PNRC1: variants seen among roughly 807,000 people sequenced by gnomAD.
The protein encoded by PNRC1 is proline-rich nuclear receptor coactivator 1.
A neutral mutation model predicts 20.2 loss-of-function variants in PNRC1; 6 were observed. The ratio of observed to expected loss-of-function variants is 0.30; its 90% CI spans 0.16 to 0.59. The LOEUF is 0.59. Ranked by LOEUF, PNRC1 falls within the 20% of genes least tolerant of loss-of-function variation. The probability of loss-of-function intolerance (pLI) is 0.89; values close to 1 mark genes in which losing one functional copy is unlikely to be tolerated. For synonymous variants in PNRC1, 202 were observed against 186.9 expected (o/e 1.08, Z -0.66); for missense variants, 488 against 430.2 (o/e 1.13, Z -1.19).
chr6:89,083,653 T>G lies in PNRC1; in HGVS notation c.541-100T>G. 1 of 860,616 alleles carries G rather than the reference T, an allele frequency of 1.2e-6. No homozygotes were observed. 53.3% of individuals were successfully genotyped at this position (860,616 alleles called of 1,614,324 possible). A position where few individuals can be genotyped will look rare whatever the true frequency, so the allele number is the denominator to read the frequency against. ...ATAATTTTGTTCTTTTCTATGGCTG[T>G]GGGCAAACTTAAACACAACAAAACT... is the stretch of plus-strand genomic sequence containing the variant. On this transcript the variant is annotated intron_variant, in intron 1 of 1. Coordinates refer to ENST00000336032, the MANE Select transcript of PNRC1 (RefSeq NM_006813.3).
chr6:89,082,005 C>T (rs1437359128), intron 1 of PNRC1: 1 of 152,432 alleles, frequency 6.6e-6, no homozygotes, highest in Non-Finnish European at 1.5e-5. Context: ...GGAGTTGTGC[C>T]AAAATGTGAG....
Position 89,081,173 on chromosome 6 carries a change from G to A in PNRC1, c.279G>A (p.Ala93=), listed in dbSNP as rs575291563. ...TGGCGGGAGGCACTCCTCGGGCAGC[G>A]CCGAAGAAGCGGCGAAAGAAGAAGG... The part of the protein sequence containing the change: ...LAVAGGTPRA[A]PKKRRKKKVR... The change falls in exon 1 of 2, where the codon GCG becomes GCA. Residue 93 remains alanine, a synonymous_variant. Coordinates refer to ENST00000336032, the MANE Select transcript of PNRC1 (RefSeq NM_006813.3). The A allele has an allele frequency of 2.5e-6, 4 of 1,590,860 alleles. No homozygotes were observed. In the African/African-American group the frequency reaches 4.0e-5, roughly 16 times the overall value.
Position 89,083,798 on chromosome 6 carries a change from C to T in PNRC1, c.586C>T (p.His196Tyr), listed in dbSNP as rs762571176. ...MGKSEKIALPHGQLVHGIHLY... is the reference protein window; with the variant it reads ...MGKSEKIALPYGQLVHGIHLY... Reference sequence around the variant, plus strand: ...AAAATCGGAGAAAATTGCCCTTCCCCATGGCCAGCTTGTTCATGGTATACA... The same window carrying T: ...AAAATCGGAGAAAATTGCCCTTCCCTATGGCCAGCTTGTTCATGGTATACA... The change falls in exon 2 of 2, where the codon CAT (histidine) becomes TAT (tyrosine). Residue 196 changes from histidine (H) to tyrosine (Y), a missense_variant. His to Tyr is a moderately conservative substitution (Grantham distance 83). Transcript: ENST00000336032. The T allele has an allele frequency of 3.1e-6, 5 of 1,599,212 alleles. No homozygotes were observed.
chr6:89,082,116 C>CT (rs1390199536), intron 1 of PNRC1: 5 of 152,292 alleles, frequency 3.3e-5, no homozygotes, highest in Non-Finnish European at 7.3e-5. Context: ...CCGCACAAAA[C>CT]TGATTTTATT....
In PNRC1 at chr6:89,084,328, TACAA is replaced by T. The variant is rs1219007485; in HGVS notation, c.*136_*139del. On this transcript the variant is annotated 3_prime_UTR_variant, in exon 2 of 2. Transcript: ENST00000336032. Reference sequence around the variant, plus strand: ...CAAAAGATGAGTTTAAAAAATTACATACAAACAGCTTGTATTATATTTTATATTT... The same window carrying T: ...CAAAAGATGAGTTTAAAAAATTACATACAGCTTGTATTATATTTTATATTT... 8.3e-6 allele frequency: 5 copies of T among 603,018 alleles called. No homozygotes were observed. Among genetic ancestry groups the T allele is most frequent in the East Asian group, 2.8e-5 (1 of 35,246 alleles). The allele number at this position is 603,018 out of a possible 1,614,324, so 37.4% of individuals were successfully genotyped here. A position where few individuals can be genotyped will look rare whatever the true frequency, so the allele number is the denominator to read the frequency against.
In PNRC1 at chr6:89,081,299, C is replaced by T. The variant is rs572807186; in HGVS notation, c.405C>T (p.Ser135=). ...EGGRSPATGP[S]GAQEVPGPAA... is the part of the protein sequence containing the mutation. ...GCCGGAGCCCCGCGACCGGCCCGAG[C>T]GGAGCGCAGGAGGTCCCGGGCCCGG... Residue 135 remains serine (S), a synonymous_variant, in exon 1 of 2, where the codon AGC becomes AGT. Transcript: ENST00000336032. The T allele has an allele frequency of 1.0e-5, 15 of 1,506,986 alleles. No individual in the cohort carries two copies. In the African/African-American group the frequency reaches 1.1e-4, roughly 11 times the overall value. The allele number at this position is 1,506,986 out of a possible 1,614,324, so 93.4% of individuals were successfully genotyped here.
In PNRC1 at chr6:89,081,347, TGCAGCC is replaced by T. The variant is rs1454119534; in HGVS notation, c.461_466del (p.Ala154_Ala155del). On this transcript the variant is annotated inframe_deletion, in exon 1 of 2. Coordinates refer to ENST00000336032, the MANE Select transcript of PNRC1 (RefSeq NM_006813.3). ...CGGCCGCCGCCTTGGCCCCGAGTCC[TGCAGCC>T]GCAGCCGGCACGGAGGGAGCCAGCC... The T allele has an allele frequency of 2.1e-6, 3 of 1,448,730 alleles. No individual in the cohort carries two copies. The highest frequency in any genetic ancestry group is 1.4e-5 in the South Asian group (1 of 72,868). The allele number at this position is 1,448,730 out of a possible 1,614,324, so 89.7% of individuals were successfully genotyped here. A position where few individuals can be genotyped will look rare whatever the true frequency, so the allele number is the denominator to read the frequency against.
At position 89,084,329 on chromosome 6, in the gene PNRC1, A is replaced by G; in HGVS notation, c.*133A>G. On this transcript the variant is annotated 3_prime_UTR_variant, in exon 2 of 2. Coordinates refer to ENST00000336032, the MANE Select transcript of PNRC1 (RefSeq NM_006813.3). ...AAAAGATGAGTTTAAAAAATTACAT[A>G]CAAACAGCTTGTATTATATTTTATA... 3.3e-6 allele frequency: 2 copies of G among 603,746 alleles called. No homozygotes were observed. The highest frequency in any genetic ancestry group is 2.8e-5 in the East Asian group (1 of 35,306). 37.4% of individuals were successfully genotyped at this position (603,746 alleles called of 1,614,324 possible).
chr6:89,085,121 T>G lies in PNRC1; in HGVS notation c.*925T>G, dbSNP rs567962968. 7 of 151,668 alleles carry G rather than the reference T, an allele frequency of 4.6e-5. No homozygotes were observed. In the East Asian group the frequency reaches 1.4e-3, roughly 29 times the overall value. The allele number at this position is 151,668 out of a possible 1,614,324, so 9.4% of individuals were successfully genotyped here. A position where few individuals can be genotyped will look rare whatever the true frequency, so the allele number is the denominator to read the frequency against. On this transcript the variant is annotated 3_prime_UTR_variant, in exon 2 of 2. Transcript: ENST00000336032. The stretch of plus-strand genomic sequence containing the variant: ...GCACTCCAGCCTGGGTAACAGACGC[T>G]GTCTCAAAAAAAAGGCCAAGAGAAA...
At chr6:89,083,234 A>G (rs1349237122) in intron 1 of PNRC1, among the ~76,000 whole-genome samples, 1 of 152,196 alleles carries the variant, frequency 6.6e-6, no homozygotes, top group Non-Finnish European at 1.5e-5. Flanking sequence ...AGCTTGAGCG[A>G]TCTGCTTGCC....
At position 89,081,293 on chromosome 6, in the gene PNRC1, C is replaced by T. The variant is rs766931105; in HGVS notation, c.399C>T (p.Gly133=). Reference sequence around the variant, plus strand: ...AGGGCGGCCGGAGCCCCGCGACCGGCCCGAGCGGAGCGCAGGAGGTCCCGG... The same window carrying T: ...AGGGCGGCCGGAGCCCCGCGACCGGTCCGAGCGGAGCGCAGGAGGTCCCGG... The part of the protein sequence containing the change: ...SLEGGRSPAT[G]PSGAQEVPGP... Residue 133 remains glycine, a synonymous_variant, in exon 1 of 2, where the codon GGC becomes GGT. Transcript: ENST00000336032. 1.2e-5 allele frequency: 18 copies of T among 1,510,932 alleles called. 1 individual carries two copies. In the East Asian group the frequency reaches 3.8e-4, roughly 32 times the overall value. The allele number at this position is 1,510,932 out of a possible 1,614,324, so 93.6% of individuals were successfully genotyped here. A position where few individuals can be genotyped will look rare whatever the true frequency, so the allele number is the denominator to read the frequency against.
Position 89,081,360 on chromosome 6 carries a change from G to C in PNRC1, c.466G>C (p.Gly156Arg). The change falls in exon 1 of 2, where the codon GGC becomes CGC. Residue 156 changes from glycine (G) to arginine (R), a missense_variant. Coordinates refer to ENST00000336032, the MANE Select transcript of PNRC1 (RefSeq NM_006813.3). Reference protein sequence around the residue: ...ALAPSPAAAAGTEGASPDLAP... With the variant: ...ALAPSPAAAARTEGASPDLAP... ...GGCCCCGAGTCCTGCAGCCGCAGCC[G>C]GCACGGAGGGAGCCAGCCCCGACCT... The C allele has an allele frequency of 2.1e-6, 3 of 1,438,294 alleles. No individual in the cohort carries two copies. The highest frequency in any genetic ancestry group is 2.8e-5 in the South Asian group (2 of 70,982). The allele number at this position is 1,438,294 out of a possible 1,614,324, so 89.1% of individuals were successfully genotyped here. A position where few individuals can be genotyped will look rare whatever the true frequency, so the allele number is the denominator to read the frequency against.
Position 89,084,006 on chromosome 6 carries a change from A to G in PNRC1, c.794A>G (p.Lys265Arg), listed in dbSNP as rs1262997261. 4.3e-6 allele frequency: 7 copies of G among 1,614,088 alleles called. No individual in the cohort carries two copies. Among genetic ancestry groups the G allele is most frequent in the Non-Finnish European group, 5.9e-6 (7 of 1,180,012 alleles). Reference protein sequence around the residue: ...NTENIKNSHLKKSAFLTEVSQ... With the variant: ...NTENIKNSHLRKSAFLTEVSQ... Reference sequence around the variant, plus strand: ...GAGAACATTAAAAATTCGCATTTGAAGAAATCAGCATTTCTAACTGAAGTG... The same window carrying G: ...GAGAACATTAAAAATTCGCATTTGAGGAAATCAGCATTTCTAACTGAAGTG... Residue 265 changes from lysine (K) to arginine (R), a missense_variant, in exon 2 of 2, where the codon AAG (lysine) becomes AGG (arginine). Physicochemically the swap from Lys to Arg is conservative, Grantham distance 26. Transcript: ENST00000336032.
rs148749690 is a variant in PNRC1, at chr6:89,083,979, C to T, written c.767C>T (p.Thr256Ile). ...CAGGAAAAAAAGCCTTTTAAAAATACCGAGAACATTAAAAATTCGCATTTG... is the reference window on the plus strand; with the variant it reads ...CAGGAAAAAAAGCCTTTTAAAAATATCGAGAACATTAAAAATTCGCATTTG... ...QKQEKKPFKN[T>I]ENIKNSHLKK... Residue 256 changes from threonine (T) to isoleucine (I), a missense_variant, in exon 2 of 2, where the codon ACC (threonine) becomes ATC (isoleucine). Thr to Ile is a moderately conservative substitution (Grantham distance 89). Transcript: ENST00000336032. 129 of 1,613,788 alleles carry T rather than the reference C, an allele frequency of 8.0e-5. No individual in the cohort carries two copies. The highest frequency in any genetic ancestry group is 1.1e-4 in the Non-Finnish European group (127 of 1,179,960).
intron 1 of PNRC1, chr6:89,082,334 C>A (rs1768020795): frequency 6.6e-6 from 1 of 152,286 alleles, no homozygotes; most frequent in South Asian, 2.1e-4. Context: ...ACTTAATCTT[C>A]GTAATAATGA....
Position 89,083,887 on chromosome 6 carries a change from C to G in PNRC1, c.675C>G (p.Ile225Met). ...AATATAACTTGCCACTAACCAAGAT[C>G]ACCTCTGCAAAAAGAAATGAAAACA... ...KSKYNLPLTKITSAKRNENNF... is the reference protein window; with the variant it reads ...KSKYNLPLTKMTSAKRNENNF... The change falls in exon 2 of 2, where the codon ATC (isoleucine) becomes ATG (methionine). Residue 225 changes from isoleucine to methionine, a missense_variant. Ile to Met is a conservative substitution (Grantham distance 10, BLOSUM62 1). Transcript: ENST00000336032. 3 of 1,614,090 alleles carry G rather than the reference C, an allele frequency of 1.9e-6. No individual in the cohort carries two copies. The highest frequency in any genetic ancestry group is 2.5e-6 in the Non-Finnish European group (3 of 1,180,014).
In PNRC1 at chr6:89,081,164, T is replaced by G. The variant is rs1366561731; in HGVS notation, c.270T>G (p.Pro90=). The G allele has an allele frequency of 6.3e-7, 1 of 1,597,344 alleles. No individual in the cohort carries two copies. Among genetic ancestry groups the G allele is most frequent in the Non-Finnish European group, 8.5e-7 (1 of 1,177,116 alleles). ...NRSLAVAGGT[P]RAAPKKRRKK... ...GCCTCGCCGTGGCGGGAGGCACTCC[T>G]CGGGCAGCGCCGAAGAAGCGGCGAA... Residue 90 remains proline (P), a synonymous_variant, in exon 1 of 2, where the codon CCT becomes CCG. Transcript: ENST00000336032.
chr6:89,081,127 T>A lies in PNRC1; in HGVS notation c.233T>A (p.Leu78Gln). 2 of 1,607,118 alleles carry A rather than the reference T, an allele frequency of 1.2e-6. No individual in the cohort carries two copies. Among genetic ancestry groups the A allele is most frequent in the Non-Finnish European group, 1.7e-6 (2 of 1,179,566 alleles). Residue 78 changes from leucine (L) to glutamine (Q), a missense_variant, in exon 1 of 2, where the codon CTG becomes CAG. Transcript: ENST00000336032. ...CCCCAGCCTCGCGCTCCAGCAGCTC[T>A]GCCCAACCGCAGCCTCGCCGTGGCG... ...LTPQPRAPAA[L>Q]PNRSLAVAGG...
At position 89,080,972 on chromosome 6, in the gene PNRC1, A is replaced by G. The variant is rs1280377507; in HGVS notation, c.78A>G (p.Arg26=). The change falls in exon 1 of 2, where the codon CGA becomes CGG. Residue 26 remains arginine, a synonymous_variant. Transcript: ENST00000336032. ...TTGCGCCGCTTGGCTTTTCCTCCCG[A>G]GGTTACTTTGGGGCCCTCCCGATGG... is the stretch of plus-strand genomic sequence containing the variant. ...GRLAPLGFSS[R]GYFGALPMVT... 2 of 1,613,120 alleles carry G rather than the reference A, an allele frequency of 1.2e-6. No individual in the cohort carries two copies. The highest frequency in any genetic ancestry group is 1.7e-6 in the Non-Finnish European group (2 of 1,179,974).
Sources: allele counts gnomAD v4.1 joint callset (sites outside exome capture counted in the v4.1 genomes callset), GRCh38; gene constraint gnomAD v4.1.1; transcripts MANE v1.5; gene names NCBI Gene and HGNC (gene_info 2026-07-23, HGNC 2026-07-21).